Variants in FXN observed in about 807,000 individuals in gnomAD.
FXN encodes frataxin, also known as frataxin, mitochondrial.
In FXN, 14 loss-of-function variants were observed where a neutral mutation model predicts 22.4. The observed-to-expected ratio is 0.62, with a 90% CI of 0.41 to 0.98. The LOEUF (loss-of-function observed/expected upper bound fraction) is 0.98, where lower values mean the gene tolerates loss of function less well. FXN is among the 50% of genes least tolerant of loss of function. The pLI, the probability that FXN is intolerant of heterozygous loss-of-function variation, is 0.00. For missense variants in FXN, 267 were observed against 268.4 expected, an observed-to-expected ratio of 0.99 and a Z score of 0.04; for synonymous variants, 120 against 114.1, an observed-to-expected ratio of 1.05 and a Z score of -0.33.
chr9:69,066,962 G>A (rs1832177166), intron 4 of FXN, among the ~76,000 whole-genome samples: 1 of 152,178 alleles, frequency 6.6e-6, no homozygotes, highest in South Asian at 2.1e-4. Context: ...AGAGACCACA[G>A]GCTCCCCGGT....
intron 1 of FXN, among the ~76,000 whole-genome samples, chr9:69,042,828 G>A (rs1831682133): frequency 6.6e-6 from 1 of 152,146 alleles, no homozygotes; most frequent in South Asian, 2.1e-4. Context: ...CTTTTCCTTG[G>A]ATGTTTTGAG....
chr9:69,047,322 TAC>T (rs1259321651), intron 2 of FXN, among the ~76,000 whole-genome samples: 1 of 150,784 alleles, frequency 6.6e-6, no homozygotes, highest in Admixed American at 6.6e-5. Context: ...TCTTCTGATC[TAC>T]ACACAGACAC....
At chr9:69,059,358 C>T (rs1488270592) in intron 3 of FXN, among the ~76,000 whole-genome samples, 2 of 146,742 alleles carry the variant, frequency 1.4e-5, no homozygotes, top group East Asian at 4.2e-4. Context: ...ACCACTTAAT[C>T]CCAAGTTAAA....
rs561315737 is a variant in FXN, at chr9:69,063,666, T to A, written c.385-1272T>A. The stretch of plus-strand genomic sequence containing the variant: ...CTACCCTCTGGAATTTCAATAACTC[T>A]TTGTTTTTTGGGTTTTTTGTTTTGT... On this transcript the variant is annotated intron_variant, in intron 3 of 4. Coordinates refer to ENST00000484259, the MANE Select transcript of FXN (RefSeq NM_000144.5). 7.2e-5 allele frequency among the ~76,000 whole-genome samples: 11 copies of A among 152,194 alleles called. No individual in the cohort carries two copies. In the South Asian group the frequency reaches 2.3e-3, roughly 32 times the overall value.
rs1180216372 is a variant in FXN at position 69,073,890 on chromosome 9, A to G, written c.*1128A>G. ...TTTCAGTTGAATTCATGTGAAAATA[A>G]TAGCCATCCTTGGCCTGGCGCGGTG... is the stretch of plus-strand genomic sequence containing the variant. On this transcript the variant is annotated 3_prime_UTR_variant, in exon 5 of 5. Coordinates refer to ENST00000484259, the MANE Select transcript of FXN (RefSeq NM_000144.5). The G allele has an allele frequency of 7.1e-6, 7 of 985,256 alleles. No homozygotes were observed. Among genetic ancestry groups the G allele is most frequent in the Non-Finnish European group, 8.4e-6 (7 of 829,914 alleles). The allele number at this position is 985,256 out of a possible 1,614,324, so 61.0% of individuals were successfully genotyped here.
chr9:69,039,103 A>C (rs572818928), intron 1 of FXN, among the ~76,000 whole-genome samples: 1 of 152,040 alleles, frequency 6.6e-6, no homozygotes, highest in South Asian at 2.1e-4. Context: ...AAATACAAAA[A>C]TTAGCTGGAT....
At chr9:69,071,598 G>A (rs1832275869) in intron 4 of FXN, among the ~76,000 whole-genome samples, 3 of 152,342 alleles carry the variant, frequency 2.0e-5, no homozygotes, top group Middle Eastern at 3.4e-3. Flanking sequence ...CTGTCCACAC[G>A]AATACAGCAT....
At chr9:69,036,890 T>C (rs1175239933) in intron 1 of FXN, among the ~76,000 whole-genome samples, 1 of 152,034 alleles carries the variant, frequency 6.6e-6, no homozygotes, top group Non-Finnish European at 1.5e-5. Context: ...AGAGGGTGTT[T>C]CACGAGGAGG....
chr9:69,038,689 G>A (rs1467433104), intron 1 of FXN, among the ~76,000 whole-genome samples: 3 of 151,710 alleles, frequency 2.0e-5, no homozygotes, highest in African/African-American at 7.3e-5. Flanking sequence ...ATGGTGGTGG[G>A]TGCCTGTAGT....
intron 1 of FXN, among the ~76,000 whole-genome samples, chr9:69,043,923 A>G (rs1831702114): frequency 6.6e-6 from 1 of 151,790 alleles, no homozygotes; most frequent in South Asian, 2.1e-4. Flanking sequence ...AGGTCTCTCT[A>G]TGTTGCCCAG....
At chr9:69,057,283 A>G (rs1831977854) in intron 3 of FXN, among the ~76,000 whole-genome samples, 1 of 152,204 alleles carries the variant, frequency 6.6e-6, no homozygotes, top group Non-Finnish European at 1.5e-5. Flanking sequence ...TTTATTTCTC[A>G]CATCATTGAA....
chr9:69,077,341 G>A lies in FXN; in HGVS notation c.*4579G>A. On this transcript the variant is annotated 3_prime_UTR_variant, in exon 5 of 5. Transcript: ENST00000484259. ...CACTTATATCCCTGCATCCGCTACA[G>A]AGACAGAATCCAAGCTCATATGTTC... 2 of 985,364 alleles carry A rather than the reference G, an allele frequency of 2.0e-6. No homozygotes were observed. The highest frequency in any genetic ancestry group is 5.2e-4 in the Middle Eastern group (1 of 1,936). 61.0% of individuals were successfully genotyped at this position (985,364 alleles called of 1,614,324 possible). A position where few individuals can be genotyped will look rare whatever the true frequency, so the allele number is the denominator to read the frequency against.
Position 69,072,656 on chromosome 9 carries a change from C to T in FXN, c.527C>T (p.Ser176Phe). ...TGGACTGGGAAAAACTGGGTGTACT[C>T]CCACGACGGCGTGTCCCTCCATGAG... is the stretch of plus-strand genomic sequence containing the variant. ...YDWTGKNWVY[S>F]HDGVSLHELL... Residue 176 changes from serine (S) to phenylalanine (F), a missense_variant, in exon 5 of 5, where the codon TCC (serine) becomes TTC (phenylalanine). Transcript: ENST00000484259. 1.2e-6 allele frequency: 2 copies of T among 1,614,174 alleles called. No individual in the cohort carries two copies. The highest frequency in any genetic ancestry group is 1.7e-6 in the Non-Finnish European group (2 of 1,180,032).
chr9:69,070,801 TG>T (rs1832259979), intron 4 of FXN, among the ~76,000 whole-genome samples: 2 of 104,850 alleles, frequency 1.9e-5, no homozygotes, highest in African/African-American at 3.8e-5. Context: ...ATTTTTGTTT[TG>T]TTTTTTTTTT....
At chr9:69,059,067 T>TA (rs1403437026) in intron 3 of FXN, among the ~76,000 whole-genome samples, 7 of 149,974 alleles carry the variant, frequency 4.7e-5, no homozygotes, top group Non-Finnish European at 7.4e-5. Flanking sequence ...GACTTCATCT[T>TA]AAAAAAAAAG....
intron 1 of FXN, among the ~76,000 whole-genome samples, chr9:69,043,020 G>A (rs1831685711): frequency 6.6e-6 from 1 of 152,168 alleles, no homozygotes; most frequent in African/African-American, 2.4e-5. Context: ...CATTCGTTAA[G>A]AGTCTGTACT....
chr9:69,054,860 C>G (rs1831926165), intron 3 of FXN, among the ~76,000 whole-genome samples: 1 of 152,172 alleles, frequency 6.6e-6, no homozygotes, highest in Non-Finnish European at 1.5e-5. Flanking sequence ...GAAAATGTCA[C>G]GAAGCGTGCA....
chr9:69,071,728 T>TTA (rs1368601103), intron 4 of FXN, among the ~76,000 whole-genome samples: 1 of 152,202 alleles, frequency 6.6e-6, no homozygotes, highest in Non-Finnish European at 1.5e-5. Context: ...GTTTTAAAAA[T>TTA]AATAGTTTAG....
intron 3 of FXN, among the ~76,000 whole-genome samples, chr9:69,057,126 T>A (rs1831975116): frequency 6.6e-6 from 1 of 152,134 alleles, no homozygotes; most frequent in South Asian, 2.1e-4. Flanking sequence ...GAAAAAAAAC[T>A]AATGGCAGTT....
Sources: gnomAD v4.1 joint callset for allele counts (sites outside exome capture counted in the v4.1 genomes callset) on GRCh38, gnomAD v4.1.1 for gene constraint, MANE v1.5 for transcripts, NCBI Gene and HGNC (gene_info 2026-07-23, HGNC 2026-07-21) for gene names.